BRINP3: variants seen among roughly 807,000 people sequenced by gnomAD.
BRINP3 encodes BMP/retinoic acid-inducible neural-specific protein 3.
In BRINP3, 19 loss-of-function variants were observed where a neutral mutation model predicts 71.0. The ratio of observed to expected loss-of-function variants is 0.27; its 90% confidence interval spans 0.19 to 0.39. The LOEUF (loss-of-function observed/expected upper bound fraction) is 0.39, where lower values mean the gene tolerates loss of function less well. Ranked by LOEUF, BRINP3 falls within the 10% of genes least tolerant of loss-of-function variation. BRINP3 has a pLI of 1.00. For missense variants in BRINP3, 959 were observed against 940.8 expected, an observed-to-expected ratio of 1.02 and a Z score of -0.25; for synonymous variants, 380 against 337.7, an observed-to-expected ratio of 1.13 and a Z score of -1.37.
chr1:190,175,771 C>T (rs1444398700), intron 6 of BRINP3, among the ~76,000 whole-genome samples: 1 of 152,198 alleles, frequency 6.6e-6, no homozygotes, highest in Non-Finnish European at 1.5e-5. Context: ...ATATCAACAT[C>T]TGTCACATTT....
intron 7 of BRINP3, among the ~76,000 whole-genome samples, chr1:190,118,211 A>T (rs570744068): frequency 5.3e-5 from 8 of 152,126 alleles, no homozygotes; most frequent in Admixed American, 2.6e-4. Context: ...ATCAAAAAAT[A>T]GTCTGCATTT....
At chr1:190,193,438 A>G (rs1032667094) in intron 6 of BRINP3, among the ~76,000 whole-genome samples, 1 of 152,058 alleles carries the variant, frequency 6.6e-6, no homozygotes, top group African/African-American at 2.4e-5. Context: ...AGCTTTTAAG[A>G]GCCATGAGTA....
chr1:190,314,437 G>A (rs923372052), intron 2 of BRINP3, among the ~76,000 whole-genome samples: 2 of 152,000 alleles, frequency 1.3e-5, no homozygotes, highest in African/African-American at 4.8e-5. Context: ...GGATTAACTA[G>A]GTGGGCTCAA....
intron 2 of BRINP3, among the ~76,000 whole-genome samples, chr1:190,438,162 C>T (rs976807787): frequency 1.3e-5 from 2 of 150,998 alleles, no homozygotes; most frequent in African/African-American, 2.4e-5. Context: ...AAATATTTTC[C>T]CATCCCAAAA....
At chr1:190,426,622 C>T (rs541232313) in intron 2 of BRINP3, among the ~76,000 whole-genome samples, 10 of 151,814 alleles carry the variant, frequency 6.6e-5, no homozygotes, top group Non-Finnish European at 1.5e-4. Context: ...GAAGGAAATA[C>T]AACAAAACAA....
chr1:190,390,883 A>G (rs915028140), intron 2 of BRINP3, among the ~76,000 whole-genome samples: 3 of 151,846 alleles, frequency 2.0e-5, no homozygotes, highest in Non-Finnish European at 2.9e-5. Context: ...TGGGAGATTA[A>G]TGTTTAGCAT....
chr1:190,163,310 C>G (rs555700636), intron 6 of BRINP3, among the ~76,000 whole-genome samples: 1 of 152,082 alleles, frequency 6.6e-6, no homozygotes, highest in Non-Finnish European at 1.5e-5. Flanking sequence ...AAATACACAA[C>G]AGCCCTACTT....
At chr1:190,281,535 C>G (rs1663038233) in intron 3 of BRINP3, 25 bp downstream of exon 3, 3 of 1,604,930 alleles carry the variant, frequency 1.9e-6, no homozygotes, top group African/African-American at 2.7e-5. Context: ...CACACACAGG[C>G]ACAAATAGGT....
At chr1:190,365,871 A>C (rs1313666797) in intron 2 of BRINP3, among the ~76,000 whole-genome samples, 1 of 147,318 alleles carries the variant, frequency 6.8e-6, no homozygotes, top group Admixed American at 6.9e-5. Flanking sequence ...ATCCTGTCAA[A>C]ATTTGAGAGA....
chr1:190,277,447 A>G (rs1662682310), intron 3 of BRINP3, among the ~76,000 whole-genome samples: 1 of 151,542 alleles, frequency 6.6e-6, no homozygotes, highest in African/African-American at 2.4e-5. Context: ...GGAGATGCGG[A>G]TAAGGGCACA....
chr1:190,295,334 C>T (rs1474780274), intron 2 of BRINP3, among the ~76,000 whole-genome samples: 2 of 152,010 alleles, frequency 1.3e-5, no homozygotes, highest in Admixed American at 6.6e-5. Context: ...AGGCAAAGCC[C>T]CTGTACTCTT....
intron 6 of BRINP3, among the ~76,000 whole-genome samples, chr1:190,219,790 A>G (rs997815441): frequency 6.6e-6 from 1 of 151,812 alleles, no homozygotes; most frequent in Non-Finnish European, 1.5e-5. Flanking sequence ...GTGAGCCAAG[A>G]TCTCACCACT....
intron 4 of BRINP3, among the ~76,000 whole-genome samples, chr1:190,263,492 T>G (rs1027324809): frequency 2.6e-5 from 4 of 152,126 alleles, no homozygotes; most frequent in African/African-American, 9.7e-5. Context: ...ACCTTTAATT[T>G]TCTCCAGTAC....
chr1:190,152,530 A>ACCC (rs1571852849), intron 7 of BRINP3, among the ~76,000 whole-genome samples: 2 of 29,892 alleles, frequency 6.7e-5, no homozygotes, highest in Admixed American at 3.5e-4. Context: ...AATCTCCCCC[A>ACCC]ACCCCCCCCC....
chr1:190,396,705 A>ATT (rs1671589273), intron 2 of BRINP3, among the ~76,000 whole-genome samples: 2 of 76,328 alleles, frequency 2.6e-5, no homozygotes, highest in African/African-American at 1.1e-4. Flanking sequence ...ATGCATTCCT[A>ATT]ATTTAATGAT....
intron 5 of BRINP3, among the ~76,000 whole-genome samples, chr1:190,233,523 G>A (rs149340588): frequency 6.6e-6 from 1 of 152,020 alleles, no homozygotes; most frequent in Non-Finnish European, 1.5e-5. Context: ...GGAAAAAATG[G>A]TAGCATTTCT....
chr1:190,233,086 C>T (rs1053610355), intron 5 of BRINP3, among the ~76,000 whole-genome samples: 10 of 151,836 alleles, frequency 6.6e-5, no homozygotes, highest in Non-Finnish European at 1.3e-4. Context: ...TTAAACAATT[C>T]AATGTTATTA....
At chr1:190,411,939 G>T (rs924080616) in intron 2 of BRINP3, among the ~76,000 whole-genome samples, 6 of 152,080 alleles carry the variant, frequency 3.9e-5, no homozygotes, top group Non-Finnish European at 7.4e-5. Flanking sequence ...GAAAAAAATC[G>T]ACGACTGAAA....
At chr1:190,114,850 G>A (rs1424408933) in intron 7 of BRINP3, among the ~76,000 whole-genome samples, 1 of 152,014 alleles carries the variant, frequency 6.6e-6, no homozygotes, top group Non-Finnish European at 1.5e-5. Context: ...TACATTTGCT[G>A]TTTTGTATTT....
Sources: allele counts gnomAD v4.1 joint callset (sites outside exome capture counted in the v4.1 genomes callset), GRCh38; gene constraint gnomAD v4.1.1; transcripts MANE v1.5; gene names NCBI Gene and HGNC (gene_info 2026-07-23, HGNC 2026-07-21).